PLCE1: variants seen among roughly 807,000 people sequenced by gnomAD.
PLCE1 encodes 1-phosphatidylinositol 4,5-bisphosphate phosphodiesterase epsilon-1.
In PLCE1, 119 loss-of-function variants were observed where a neutral mutation model predicts 242.8. That is an observed-to-expected ratio of 0.49 (90% CI 0.42 to 0.57). PLCE1 has a LOEUF of 0.57. Ranked by LOEUF, PLCE1 falls within the 20% of genes least tolerant of loss-of-function variation. PLCE1 has a pLI of 0.00. For synonymous variants in PLCE1, 945 were observed against 1,017.4 expected (o/e 0.93, Z 1.35); for missense variants, 2,441 against 2,788.8 (o/e 0.88, Z 2.81).
intron 3 of PLCE1, among the ~76,000 whole-genome samples, chr10:94,158,786 C>T (rs1016000419): frequency 4.0e-5 from 6 of 149,524 alleles, no homozygotes; most frequent in Non-Finnish European, 7.4e-5. Flanking sequence ...TGAAATGTAA[C>T]AACAAAAACA....
chr10:94,219,760 A>G (rs148004947), intron 4 of PLCE1, among the ~76,000 whole-genome samples: 2 of 152,208 alleles, frequency 1.3e-5, no homozygotes, highest in Non-Finnish European at 2.9e-5. Flanking sequence ...TGTTATCTGG[A>G]TAAGTGGCAG....
chr10:94,258,255 G>A (rs75321484), intron 11 of PLCE1, among the ~76,000 whole-genome samples: 2,628 of 152,156 alleles, frequency 0.017, 27 homozygotes, highest in South Asian at 0.041. Context: ...ATGAGCCACC[G>A]CACCCAGCCC....
chr10:94,262,601 G>T lies in PLCE1; in HGVS notation c.3922G>T (p.Val1308Leu). The T allele has an allele frequency of 6.2e-7, 1 of 1,614,028 alleles. No individual in the cohort carries two copies. Among genetic ancestry groups the T allele is most frequent in the Non-Finnish European group, 8.5e-7 (1 of 1,179,890 alleles). The change falls in exon 14 of 33, where the codon GTG becomes TTG. Residue 1308 changes from valine to leucine, a missense_variant. Physicochemically the swap from Val to Leu is conservative, Grantham distance 32. Transcript: ENST00000371380. ...TGATGCCATTGCTGCTGCAAGCATTGTGACAAATGGCACTGGGATTGAGAG... is the reference window on the plus strand; with the variant it reads ...TGATGCCATTGCTGCTGCAAGCATTTTGACAAATGGCACTGGGATTGAGAG... ...ISDAIAAASI[V>L]TNGTGIESTS...
chr10:94,284,715 G>A, intron 21 of PLCE1, 133 bp from the exon 22 acceptor site: 1 of 678,538 alleles, frequency 1.5e-6, no homozygotes, highest in Non-Finnish European at 2.7e-6. Context: ...GTTGGGACAT[G>A]TATATGGATA....
At chr10:94,247,385 C>T (rs1196992812) in intron 8 of PLCE1, among the ~76,000 whole-genome samples, 1 of 151,410 alleles carries the variant, frequency 6.6e-6, no homozygotes, top group Non-Finnish European at 1.5e-5. Context: ...TGTAGTTCTC[C>T]CATCTGCAAA....
chr10:94,039,686 T>G (rs1432444663), intron 2 of PLCE1, among the ~76,000 whole-genome samples: 10 of 152,306 alleles, frequency 6.6e-5, no homozygotes, highest in Non-Finnish European at 1.5e-5. Context: ...ACACCCAGCC[T>G]GATTTCTCCA....
intron 2 of PLCE1, among the ~76,000 whole-genome samples, chr10:94,101,325 G>C (rs1422849150): frequency 3.3e-5 from 5 of 151,964 alleles, no homozygotes; most frequent in Non-Finnish European, 5.9e-5. Flanking sequence ...TATTTTTAAA[G>C]CTGAGGAAAA....
chr10:94,309,257 A>G (rs553780751), intron 27 of PLCE1, among the ~76,000 whole-genome samples: 85 of 152,294 alleles, frequency 5.6e-4, no homozygotes, highest in African/African-American at 2.0e-3. Flanking sequence ...CAGATGCAGA[A>G]GCTGCTCCCT....
At chr10:94,168,711 T>G (rs2047884743) in intron 3 of PLCE1, among the ~76,000 whole-genome samples, 1 of 152,202 alleles carries the variant, frequency 6.6e-6, no homozygotes, top group Non-Finnish European at 1.5e-5. Context: ...CATATTGTAT[T>G]ACATTATCTC....
At chr10:94,023,137 G>T (rs903947902) in intron 1 of PLCE1, among the ~76,000 whole-genome samples, 3 of 152,112 alleles carry the variant, frequency 2.0e-5, no homozygotes, top group African/African-American at 7.2e-5. Flanking sequence ...GTCAGGGAGG[G>T]CTGCAGAACA....
At chr10:94,264,546 G>C (rs1270260713) in intron 14 of PLCE1, among the ~76,000 whole-genome samples, 1 of 106,868 alleles carries the variant, frequency 9.4e-6, no homozygotes, top group African/African-American at 3.6e-5. Flanking sequence ...TTTTGAGACA[G>C]AGTCTTGCTC....
intron 4 of PLCE1, among the ~76,000 whole-genome samples, chr10:94,207,851 C>A (rs1404682650): frequency 6.6e-6 from 1 of 151,666 alleles, no homozygotes; most frequent in African/African-American, 2.4e-5. Context: ...ATAAATAAAG[C>A]GAGTAATGGA....
chr10:94,004,237 G>T (rs1199512132), intron 1 of PLCE1, among the ~76,000 whole-genome samples: 2 of 152,086 alleles, frequency 1.3e-5, no homozygotes, highest in African/African-American at 4.8e-5. Flanking sequence ...CAGATGGATA[G>T]ACACCATCCT....
chr10:94,107,641 A>G (rs1357622297), intron 2 of PLCE1: 1 of 152,148 alleles, frequency 6.6e-6, no homozygotes, highest in Non-Finnish European at 1.5e-5. Flanking sequence ...GTTTTAGACA[A>G]CTGCATGGTA....
intron 2 of PLCE1, among the ~76,000 whole-genome samples, chr10:94,044,960 T>C (rs965028756): frequency 1.3e-5 from 2 of 152,192 alleles, no homozygotes; most frequent in Non-Finnish European, 2.9e-5. Context: ...CTTTACGAAC[T>C]ATAGATTCTT....
intron 4 of PLCE1, among the ~76,000 whole-genome samples, chr10:94,187,783 C>T (rs1429757123): frequency 6.6e-6 from 1 of 152,200 alleles, no homozygotes; most frequent in African/African-American, 2.4e-5. Flanking sequence ...ATAAGCCTCA[C>T]GCGAACACAA....
intron 2 of PLCE1, among the ~76,000 whole-genome samples, chr10:94,044,380 T>C (rs1055648006): frequency 3.3e-5 from 5 of 152,194 alleles, no homozygotes; most frequent in African/African-American, 1.2e-4. Context: ...TCCTGGCTAA[T>C]GGTGGTTTGG....
intron 2 of PLCE1, among the ~76,000 whole-genome samples, chr10:94,069,071 G>T (rs2044279695): frequency 1.3e-5 from 2 of 152,196 alleles, no homozygotes; most frequent in Non-Finnish European, 2.9e-5. Context: ...CTTCTTTATG[G>T]TTGAGAAGGC....
At chr10:94,297,590 TAAAAAAAAAA>T (rs71031568) in intron 23 of PLCE1, among the ~76,000 whole-genome samples, 1,195 of 56,390 alleles carry the variant, frequency 0.021, 49 homozygotes, top group Admixed American at 0.074. Flanking sequence ...TTTAAATTTG[TAAAAAAAAAA>T]AAAAAAAAAA....
Sources: gnomAD v4.1 joint callset for allele counts (sites outside exome capture counted in the v4.1 genomes callset) on GRCh38, gnomAD v4.1.1 for gene constraint, MANE v1.5 for transcripts, NCBI Gene and HGNC (gene_info 2026-07-23, HGNC 2026-07-21) for gene names.